Variants in ASTN2 observed in about 807,000 individuals in gnomAD.
ASTN2 encodes the protein astrotactin-2.
ASTN2 carries 54 observed loss-of-function variants against 139.8 expected under a neutral mutation model. The observed-to-expected ratio is 0.39, with a 90% CI of 0.31 to 0.48. ASTN2 has a LOEUF of 0.48. Among genes scored for constraint, ASTN2 ranks in the 20% least tolerant of loss-of-function variants. ASTN2 has a pLI of 0.95. For missense variants in ASTN2, 1,565 were observed against 1,725.1 expected (o/e 0.91, Z 1.64); for synonymous variants, 756 against 719.5 (o/e 1.05, Z -0.81).
chr9:117,110,342 A>G (rs1048932167), intron 4 of ASTN2, among the ~76,000 whole-genome samples: 5 of 152,220 alleles, frequency 3.3e-5, no homozygotes, highest in African/African-American at 1.2e-4. Flanking sequence ...GATGGGCTTT[A>G]TGCACTGTTA....
chr9:117,128,363 C>T (rs1328381247), intron 4 of ASTN2, among the ~76,000 whole-genome samples: 3 of 81,924 alleles, frequency 3.7e-5, no homozygotes, highest in Non-Finnish European at 6.3e-5. Flanking sequence ...CAGAGTGAGA[C>T]ACTGTCTCAA....
intron 11 of ASTN2, among the ~76,000 whole-genome samples, chr9:116,854,327 C>T (rs538079577): frequency 2.4e-4 from 36 of 152,336 alleles, no homozygotes; most frequent in African/African-American, 8.4e-4. Context: ...ATTGCGTATG[C>T]ATTCTCAGTT....
chr9:116,583,632 A>G (rs1854036908), intron 19 of ASTN2: 1 of 152,304 alleles, frequency 6.6e-6, no homozygotes, highest in East Asian at 1.9e-4. Flanking sequence ...AGGAAAAGCA[A>G]CTTTCCAAAA....
At chr9:116,705,100 T>A (rs1037812088) in intron 16 of ASTN2, among the ~76,000 whole-genome samples, 3 of 152,198 alleles carry the variant, frequency 2.0e-5, no homozygotes, top group African/African-American at 7.2e-5. Flanking sequence ...GGTTAAAGCT[T>A]GAGCTTTGTA....
At chr9:116,537,134 T>C (rs1851669282) in intron 19 of ASTN2, among the ~76,000 whole-genome samples, 1 of 152,206 alleles carries the variant, frequency 6.6e-6, no homozygotes, top group South Asian at 2.1e-4. Context: ...TGAGGCTCCA[T>C]GGGCATGAGA....
chr9:116,700,763 A>C (rs1178902266), intron 16 of ASTN2: 2 of 166,936 alleles, frequency 1.2e-5, no homozygotes, highest in East Asian at 3.8e-4. Flanking sequence ...TCTGGTGTTC[A>C]TGTCTTTTAA....
intron 15 of ASTN2, among the ~76,000 whole-genome samples, chr9:116,726,869 C>T (rs1430152321): frequency 6.6e-6 from 1 of 152,196 alleles, no homozygotes; most frequent in Non-Finnish European, 1.5e-5. Flanking sequence ...TAGTGACCTT[C>T]TTTAGAAATT....
At chr9:116,814,566 G>T (rs373464477) in intron 12 of ASTN2, among the ~76,000 whole-genome samples, 3 of 151,668 alleles carry the variant, frequency 2.0e-5, no homozygotes, top group Non-Finnish European at 4.4e-5. Context: ...AAAAAAAAAA[G>T]ACTGCCAAAT....
At chr9:117,409,052 C>G (rs1044800132) in intron 1 of ASTN2, among the ~76,000 whole-genome samples, 4 of 152,192 alleles carry the variant, frequency 2.6e-5, no homozygotes, top group Admixed American at 2.6e-4. Context: ...TGAAGTTTGA[C>G]TGCTAACCAA....
At chr9:116,518,583 T>C (rs1850744147) in intron 19 of ASTN2, among the ~76,000 whole-genome samples, 1 of 152,020 alleles carries the variant, frequency 6.6e-6, no homozygotes, top group Admixed American at 6.5e-5. Flanking sequence ...ACAGGACCTA[T>C]ATAACAATAA....
chr9:116,479,138 T>C (rs1849088540), intron 20 of ASTN2, among the ~76,000 whole-genome samples: 2 of 150,684 alleles, frequency 1.3e-5, no homozygotes, highest in Non-Finnish European at 2.9e-5. Context: ...AAAGGCCCCA[T>C]AGCTGCTAAG....
chr9:117,313,523 A>C (rs1241288040), intron 1 of ASTN2, among the ~76,000 whole-genome samples: 1 of 152,184 alleles, frequency 6.6e-6, no homozygotes, highest in Non-Finnish European at 1.5e-5. Flanking sequence ...AACCATAGGC[A>C]GTTTCCTGGG....
intron 13 of ASTN2, among the ~76,000 whole-genome samples, chr9:116,792,617 G>C (rs374182996): frequency 6.6e-6 from 1 of 152,160 alleles, no homozygotes; most frequent in African/African-American, 2.4e-5. Context: ...GCTACATTAT[G>C]CACCGGGGGC....
At position 116,698,638 on chromosome 9, in the gene ASTN2, G is replaced by A. The variant is rs766439806; in HGVS notation, c.2806+27133C>T. On this transcript the variant is annotated intron_variant, in intron 16 of 22. Coordinates refer to ENST00000313400, the MANE Select transcript of ASTN2 (RefSeq NM_001365068.1). This position sits in a 1 kb window ranked among gnomAD's most constrained non-coding sequence, Gnocchi z 4.4. The stretch of plus-strand genomic sequence containing the variant: ...ATTGGACAAGCTGTTAAGAAGCCCC[G>A]GACAGTTAACGTGGAAGATTCCTGG... The A allele has an allele frequency of 2.0e-5, 33 of 1,614,010 alleles. No homozygotes were observed. In the South Asian group the frequency reaches 3.1e-4, roughly 15 times the overall value.
chr9:117,117,422 T>C (rs1227330526), intron 4 of ASTN2, among the ~76,000 whole-genome samples: 5 of 146,918 alleles, frequency 3.4e-5, no homozygotes, highest in African/African-American at 1.3e-4. Flanking sequence ...GCAACTCCAC[T>C]AATACCCAAA....
chr9:117,092,520 T>A (rs1048121527), intron 5 of ASTN2, among the ~76,000 whole-genome samples: 1 of 152,106 alleles, frequency 6.6e-6, no homozygotes, highest in African/African-American at 2.4e-5. Context: ...ACTTCAAAGA[T>A]GGTAAAGTTG....
Position 117,414,548 on chromosome 9 carries a change from T to A in ASTN2, c.391A>T (p.Ile131Phe), listed in dbSNP as rs747752145. Residue 131 changes from isoleucine (I) to phenylalanine (F), a missense_variant, in exon 1 of 23, where the codon ATC (isoleucine) becomes TTC (phenylalanine). This residue lies in a region of ASTN2 where 596 missense variants were observed against 576.8 expected (regional missense o/e 1.03). Transcript: ENST00000313400. This position sits in a 1 kb window ranked among gnomAD's most constrained non-coding sequence, Gnocchi z 4.2. ...TTGTCCAGGTCGTCCTGCACCGCGA[T>A]GCGCCCCGGCAGCTCGTTACGCACA... Reference protein sequence around the residue: ...LFVRNELPGRIAVQDDLDNTE... With the variant: ...LFVRNELPGRFAVQDDLDNTE... 6.9e-6 allele frequency: 11 copies of A among 1,604,770 alleles called. No individual in the cohort carries two copies. The East Asian group carries it at 2.5e-4, about 37-fold the overall frequency.
chr9:116,967,558 C>T (rs1387298562), intron 10 of ASTN2, among the ~76,000 whole-genome samples: 1 of 152,222 alleles, frequency 6.6e-6, no homozygotes, highest in Non-Finnish European at 1.5e-5. Context: ...AAGGAAAGCA[C>T]ACTTCTAGGT....
At chr9:117,355,424 G>A (rs185005760) in intron 1 of ASTN2, among the ~76,000 whole-genome samples, 164 of 152,260 alleles carry the variant, frequency 1.1e-3, no homozygotes, top group Non-Finnish European at 2.2e-3. Flanking sequence ...TACTCTTTCA[G>A]TAACGCTGTG....
Sources: gnomAD v4.1 joint callset for allele counts (sites outside exome capture counted in the v4.1 genomes callset) on GRCh38, gnomAD v4.1.1 for gene constraint, gnomAD v4.1.1 regional missense constraint, Gnocchi (gnomAD v3.1) non-coding constraint, MANE v1.5 for transcripts, NCBI Gene and HGNC (gene_info 2026-07-23, HGNC 2026-07-21) for gene names.